Variants in RGS12 observed in about 807,000 individuals in gnomAD.
The protein encoded by RGS12 is regulator of G protein signaling 12, also known as regulator of G-protein signaling 12.
In RGS12, 66 loss-of-function variants were observed where a neutral mutation model predicts 120.1. That is an observed-to-expected ratio of 0.55 (90% CI 0.45 to 0.67). RGS12 has a LOEUF of 0.67. Ranked by LOEUF, RGS12 falls within the 30% of genes least tolerant of loss-of-function variation. The probability of loss-of-function intolerance (pLI) is 0.00; values close to 1 mark genes in which losing one functional copy is unlikely to be tolerated. For missense variants in RGS12, 1,859 were observed against 1,957.7 expected, an observed-to-expected ratio of 0.95 and a Z score of 0.95; for synonymous variants, 827 against 804.7, an observed-to-expected ratio of 1.03 and a Z score of -0.47.
chr4:3,415,074 A>T (rs1722224938), intron 6 of RGS12, among the ~76,000 whole-genome samples: 1 of 75,512 alleles, frequency 1.3e-5, no homozygotes, highest in Non-Finnish European at 2.6e-5. Context: ...GGGGCGTGTG[A>T]GGTCGCGTGT....
intron 1 of RGS12, among the ~76,000 whole-genome samples, chr4:3,301,445 C>T (rs560245945): frequency 1.0e-3 from 152 of 152,302 alleles, no homozygotes; most frequent in African/African-American, 3.3e-3. Flanking sequence ...TACCAGGTGT[C>T]GGTGAATAGG....
chr4:3,367,228 C>G (rs904604194), intron 3 of RGS12, among the ~76,000 whole-genome samples: 1 of 152,260 alleles, frequency 6.6e-6, no homozygotes, highest in Non-Finnish European at 1.5e-5. Flanking sequence ...GCCCACTTGC[C>G]GAGCTCACCA....
intron 1 of RGS12, among the ~76,000 whole-genome samples, chr4:3,315,757 T>G (rs1432032366): frequency 6.6e-6 from 1 of 152,236 alleles, no homozygotes; most frequent in East Asian, 1.9e-4. Context: ...GACCACACTT[T>G]GAGTAGCAAG....
At chr4:3,383,438 C>G (rs1334412559) in intron 3 of RGS12, among the ~76,000 whole-genome samples, 1 of 152,016 alleles carries the variant, frequency 6.6e-6, no homozygotes, top group East Asian at 1.9e-4. Flanking sequence ...GAGACCCCAT[C>G]TCTACAAAAA....
At chr4:3,420,745 C>G in intron 10 of RGS12, 27 bp downstream of exon 10, 1 of 1,590,558 alleles carries the variant, frequency 6.3e-7, no homozygotes, top group Non-Finnish European at 8.6e-7. Context: ...CCTCGTCCCA[C>G]AGGCCTCAGG....
chr4:3,400,668 T>G (rs2109031718), intron 4 of RGS12, among the ~76,000 whole-genome samples: 1 of 148,672 alleles, frequency 6.7e-6, no homozygotes, highest in African/African-American at 2.4e-5. Context: ...TAGCTAGTAT[T>G]ACTATTAGAA....
At position 3,426,349 on chromosome 4, in the gene RGS12, C is replaced by A. The variant is rs1262036451; in HGVS notation, c.3331+789C>A. Among the ~76,000 whole-genome samples the A allele has an allele frequency of 2.8e-5, 4 of 144,568 alleles. No homozygotes were observed. In the East Asian group the frequency reaches 8.2e-4, roughly 30 times the overall value. 94.8% of individuals were successfully genotyped at this position (144,568 alleles called of 152,430 possible). On this transcript the variant is annotated intron_variant, in intron 14 of 17. Coordinates refer to ENST00000336727, the MANE Select transcript of RGS12 (RefSeq NM_001394154.1). ...CAGGAGAGAGGGCAGGCGGGGCTGG[C>A]CCAGGGGAGGGGGAGGCTTTGGAGT...
rs1044277490 is a variant in RGS12, at chr4:3,420,545, G to A, written c.2762-97G>A. 69 of 1,244,138 alleles carry A rather than the reference G, an allele frequency of 5.5e-5. 1 individual carries two copies. The highest frequency in any genetic ancestry group is 3.2e-4 in the Admixed American group (18 of 56,168). 77.1% of individuals were successfully genotyped at this position (1,244,138 alleles called of 1,614,324 possible). A position where few individuals can be genotyped will look rare whatever the true frequency, so the allele number is the denominator to read the frequency against. On this transcript the variant is annotated intron_variant, in intron 9 of 17. Coordinates refer to ENST00000336727, the MANE Select transcript of RGS12 (RefSeq NM_001394154.1). ...GGATGGGTGGGGGGGGCTTCCTGGC[G>A]TCTGTCTGCTCAGCCTAAAGGGGGC...
At chr4:3,293,757 G>A (rs1199994433) in intron 1 of RGS12, among the ~76,000 whole-genome samples, 1 of 152,044 alleles carries the variant, frequency 6.6e-6, no homozygotes, top group Admixed American at 6.5e-5. Context: ...ACAGTGGAGT[G>A]TAGACAGAGA....
chr4:3,349,936 A>G (rs78549095), intron 3 of RGS12, among the ~76,000 whole-genome samples: 4,784 of 152,326 alleles, frequency 0.031, 224 homozygotes, highest in African/African-American at 0.1. Context: ...TTAAGATTTC[A>G]GATTACATGA....
intron 4 of RGS12, among the ~76,000 whole-genome samples, chr4:3,409,511 C>G (rs948523415): frequency 6.6e-6 from 1 of 152,218 alleles, no homozygotes; most frequent in Non-Finnish European, 1.5e-5. Flanking sequence ...TCCACAAATA[C>G]ACCAGTGTGG....
At chr4:3,409,144 G>A (rs1721462079) in intron 4 of RGS12, among the ~76,000 whole-genome samples, 1 of 152,198 alleles carries the variant, frequency 6.6e-6, no homozygotes, top group Non-Finnish European at 1.5e-5. Flanking sequence ...TCTGCTCTCT[G>A]CCGTGCTCCT....
At chr4:3,360,663 CTT>C (rs1364166349) in intron 3 of RGS12, among the ~76,000 whole-genome samples, 2 of 152,064 alleles carry the variant, frequency 1.3e-5, no homozygotes, top group Non-Finnish European at 2.9e-5. Flanking sequence ...GAGGCAAAAG[CTT>C]TTAAAACAGA....
intron 17 of RGS12, among the ~76,000 whole-genome samples, chr4:3,432,637 A>G (rs1225059318): frequency 6.6e-6 from 1 of 152,338 alleles, no homozygotes; most frequent in South Asian, 2.1e-4. Context: ...CCCGGCTGAC[A>G]TCCCTGACTT....
intron 3 of RGS12, among the ~76,000 whole-genome samples, chr4:3,357,093 T>C (rs1256941301): frequency 1.3e-5 from 2 of 152,164 alleles, no homozygotes; most frequent in East Asian, 3.8e-4. Flanking sequence ...TGTGAAGTGG[T>C]ATCTCATTTT....
chr4:3,390,234 C>T lies in RGS12; in HGVS notation c.2020+3797C>T, dbSNP rs1209634809. On this transcript the variant is annotated intron_variant, in intron 4 of 17. Transcript: ENST00000336727. The surrounding 1 kb of genome is among the most constrained non-coding windows in gnomAD (Gnocchi z 4.6). ...CACCTGCCCCCATCCTGAGCGATGG[C>T]CACTGTCAATTTCCTGCCCGTGCTA... Among the ~76,000 whole-genome samples the T allele has an allele frequency of 2.0e-5, 3 of 152,208 alleles. No individual in the cohort carries two copies. Among genetic ancestry groups the T allele is most frequent in the Admixed American group, 2.0e-4 (3 of 15,286 alleles).
At position 3,318,038 on chromosome 4, in the gene RGS12, A is replaced by G; in HGVS notation, c.1868A>G (p.Lys623Arg). ...CCCCATCGAAATGTTCGAAAGACTAAGGAAGATAAAAAGGTAAGCCTGCCA... is the reference window on the plus strand; with the variant it reads ...CCCCATCGAAATGTTCGAAAGACTAGGGAAGATAAAAAGGTAAGCCTGCCA... Reference protein sequence around the residue: ...FGPHRNVRKTKEDKKGSKFGR... With the variant: ...FGPHRNVRKTREDKKGSKFGR... Residue 623 changes from lysine to arginine, a missense_variant, in exon 2 of 18, where the codon AAG becomes AGG. By Grantham distance (26) the Lys-to-Arg change is conservative. Transcript: ENST00000336727. 6.3e-7 allele frequency: 1 copy of G among 1,586,118 alleles called. No homozygotes were observed. The highest frequency in any genetic ancestry group is 8.6e-7 in the Non-Finnish European group (1 of 1,162,740).
At chr4:3,428,387 T>C in intron 15 of RGS12, 171 bp from the exon 16 acceptor site, 1 of 767,304 alleles carries the variant, frequency 1.3e-6, no homozygotes, top group African/African-American at 1.8e-5. Flanking sequence ...GGTTGTGCCT[T>C]AAATGCTATT....
intron 1 of RGS12, among the ~76,000 whole-genome samples, chr4:3,294,013 G>C (rs1332302662): frequency 2.0e-5 from 3 of 152,294 alleles, no homozygotes; most frequent in African/African-American, 4.8e-5. Flanking sequence ...CAGAGCCGTG[G>C]AGTGTGGACA....
Sources: gnomAD v4.1 joint callset for allele counts (sites outside exome capture counted in the v4.1 genomes callset) on GRCh38, gnomAD v4.1.1 for gene constraint, Gnocchi (gnomAD v3.1) non-coding constraint, MANE v1.5 for transcripts, NCBI Gene and HGNC (gene_info 2026-07-23, HGNC 2026-07-21) for gene names.